BICD2: variants seen among roughly 807,000 people sequenced by gnomAD.
The protein encoded by BICD2 is protein bicaudal D homolog 2.
Under a neutral mutation model 72.9 loss-of-function variants are expected in BICD2, and 25 were observed. The observed-to-expected ratio is 0.34, with a 90% CI of 0.25 to 0.48. BICD2 has a LOEUF of 0.48. BICD2 is among the 20% of genes least tolerant of loss of function. The pLI, the probability that BICD2 is intolerant of heterozygous loss-of-function variation, is 0.99. For missense variants in BICD2, 894 were observed against 1,175.2 expected (o/e 0.76, Z 3.50); for synonymous variants, 501 against 516.1 (o/e 0.97, Z 0.40).
chr9:92,716,790 C>G (rs1034888989), intron 6 of BICD2, among the ~76,000 whole-genome samples: 2 of 152,228 alleles, frequency 1.3e-5, no homozygotes, highest in African/African-American at 4.8e-5. Flanking sequence ...ACTTAGGGAG[C>G]CTCGATTCCC....
intron 1 of BICD2, among the ~76,000 whole-genome samples, chr9:92,755,926 A>C (rs907272917): frequency 6.6e-6 from 1 of 152,228 alleles, no homozygotes; most frequent in African/African-American, 2.4e-5. Context: ...CACTGGCCTA[A>C]AACAAGGAAA....
rs532040805 is a variant in BICD2 at position 92,723,394 on chromosome 9, G to A, written c.454-586C>T. 1.9e-4 allele frequency among the ~76,000 whole-genome samples: 29 copies of A among 152,374 alleles called. 1 individual carries two copies. Among genetic ancestry groups the A allele is most frequent in the South Asian group, 2.1e-4 (1 of 4,830 alleles). On this transcript the variant is annotated intron_variant, in intron 2 of 6. Coordinates refer to ENST00000356884, the MANE Select transcript of BICD2 (RefSeq NM_001003800.2). ...TTGTTCAGCCACAATAAGGAATGAC[G>A]TACTGACACATGCTACAACATGAAT... is the stretch of plus-strand genomic sequence containing the variant.
intron 1 of BICD2, among the ~76,000 whole-genome samples, chr9:92,748,787 G>A (rs948096182): frequency 2.0e-5 from 3 of 152,136 alleles, no homozygotes; most frequent in African/African-American, 4.8e-5. Context: ...CCCCAGGAGC[G>A]GACAGAGGTG....
intron 1 of BICD2, 53 bp from the exon 2 acceptor site, chr9:92,729,289 G>T (rs1048973802): frequency 2.5e-5 from 40 of 1,580,494 alleles, no homozygotes; most frequent in Non-Finnish European, 3.4e-5. Context: ...GGCGCCGAAG[G>T]ATAGAGACCC....
chr9:92,722,841 A>G, intron 2 of BICD2, 33 bp from the exon 3 acceptor site: 1 of 1,613,454 alleles, frequency 6.2e-7, no homozygotes, highest in Non-Finnish European at 8.5e-7. Context: ...AGGTATGAGC[A>G]GCCTCCACAG....
chr9:92,728,910 C>T, intron 2 of BICD2, 114 bp downstream of exon 2: 3 of 1,151,706 alleles, frequency 2.6e-6, no homozygotes, highest in Non-Finnish European at 2.4e-6. Context: ...ACAGACCAGC[C>T]AGCTGCAGCG....
chr9:92,724,699 A>C (rs1853531174), intron 2 of BICD2, among the ~76,000 whole-genome samples: 1 of 152,170 alleles, frequency 6.6e-6, no homozygotes, highest in South Asian at 2.1e-4. Flanking sequence ...CGGGGGGTGG[A>C]TAGGGAGTGG....
intron 1 of BICD2, among the ~76,000 whole-genome samples, chr9:92,738,975 A>G (rs946974392): frequency 3.3e-5 from 5 of 151,788 alleles, no homozygotes; most frequent in Non-Finnish European, 7.4e-5. Context: ...AAGGGCCATG[A>G]TGCCTGCCCC....
chr9:92,758,934 G>A (rs1854318791), intron 1 of BICD2, among the ~76,000 whole-genome samples: 1 of 152,014 alleles, frequency 6.6e-6, no homozygotes. Context: ...AAGGCGGGAG[G>A]ATCGCTCAAG....
intron 1 of BICD2, among the ~76,000 whole-genome samples, chr9:92,757,727 C>A (rs552234303): frequency 1.3e-5 from 2 of 152,032 alleles, no homozygotes; most frequent in East Asian, 3.9e-4. Context: ...AGAAAAGATT[C>A]TATTTTCTTA....
chr9:92,733,471 G>A (rs1276332921), intron 1 of BICD2, among the ~76,000 whole-genome samples: 5 of 151,808 alleles, frequency 3.3e-5, no homozygotes, highest in African/African-American at 7.3e-5. Context: ...CCAGGAGGCA[G>A]AGGTTGCAGT....
At chr9:92,743,796 T>A (rs1226340711) in intron 1 of BICD2, among the ~76,000 whole-genome samples, 1 of 152,060 alleles carries the variant, frequency 6.6e-6, no homozygotes, top group East Asian at 1.9e-4. Flanking sequence ...CTCCTACACG[T>A]ACATGAGAAA....
intron 1 of BICD2, among the ~76,000 whole-genome samples, chr9:92,763,456 C>T (rs1192501888): frequency 3.9e-5 from 6 of 152,174 alleles, no homozygotes; most frequent in Non-Finnish European, 7.3e-5. Flanking sequence ...CCTTTCTGGG[C>T]ACGCAGTACT....
At chr9:92,715,822 G>A (rs1004824948) in intron 6 of BICD2, among the ~76,000 whole-genome samples, 10 of 152,310 alleles carry the variant, frequency 6.6e-5, no homozygotes, top group African/African-American at 2.4e-4. Context: ...TCTAGGAGGC[G>A]CTCTCCCCGC....
intron 2 of BICD2, among the ~76,000 whole-genome samples, chr9:92,724,619 T>A (rs1046242399): frequency 6.6e-6 from 1 of 152,162 alleles, no homozygotes; most frequent in South Asian, 2.1e-4. Context: ...GCGAGGTGCA[T>A]GCTGGGACGA....
chr9:92,718,099 G>T, intron 5 of BICD2, 151 bp from the exon 6 acceptor site: 1 of 974,508 alleles, frequency 1.0e-6, no homozygotes, highest in Non-Finnish European at 1.5e-6. Context: ...AAACCCTGGG[G>T]ATGGACTCCA....
chr9:92,724,631 G>A (rs1853529066), intron 2 of BICD2, among the ~76,000 whole-genome samples: 3 of 152,202 alleles, frequency 2.0e-5, no homozygotes, highest in Non-Finnish European at 4.4e-5. Flanking sequence ...CTGGGACGAA[G>A]CGGGAGAAAG....
intron 1 of BICD2, among the ~76,000 whole-genome samples, chr9:92,738,114 C>T (rs1185853451): frequency 6.6e-6 from 1 of 152,242 alleles, no homozygotes; most frequent in African/African-American, 2.4e-5. Context: ...GGGCCCACGT[C>T]CTGGCTCTGC....
At chr9:92,734,513 C>CAAA (rs34489248) in intron 1 of BICD2, among the ~76,000 whole-genome samples, 2 of 106,948 alleles carry the variant, frequency 1.9e-5, no homozygotes, top group Non-Finnish European at 3.6e-5. Context: ...GACCCTGTCT[C>CAAA]AAAAAAAAAA....
Sources: gnomAD v4.1 joint callset for allele counts (sites outside exome capture counted in the v4.1 genomes callset) on GRCh38, gnomAD v4.1.1 for gene constraint, MANE v1.5 for transcripts, NCBI Gene and HGNC (gene_info 2026-07-23, HGNC 2026-07-21) for gene names.